The following MIA3 variants were observed in gnomAD, a reference collection of about 807,000 sequenced individuals.
MIA3 encodes the protein MIA SH3 domain ER export factor 3.
Under a neutral mutation model 192.4 loss-of-function variants are expected in MIA3, and 90 were observed. That is an observed-to-expected ratio of 0.47 (90% CI 0.39 to 0.56). The LOEUF (loss-of-function observed/expected upper bound fraction) is 0.56. Among genes scored for constraint, MIA3 ranks in the 20% least tolerant of loss-of-function variants. MIA3 has a pLI of 0.00. For synonymous variants in MIA3, 740 were observed against 792.8 expected (o/e 0.93, Z 1.12); for missense variants, 2,123 against 2,269.4 (o/e 0.94, Z 1.31).
At chr1:222,640,694 T>C (rs1662815971) in intron 6 of MIA3, among the ~76,000 whole-genome samples, 1 of 152,172 alleles carries the variant, frequency 6.6e-6, no homozygotes, top group South Asian at 2.1e-4. Flanking sequence ...TGAACTTGGA[T>C]TGGCAAAGAT....
At chr1:222,664,479 CTG>C (rs1639340988) in intron 27 of MIA3, among the ~76,000 whole-genome samples, 1 of 152,172 alleles carries the variant, frequency 6.6e-6, no homozygotes, top group African/African-American at 2.4e-5. Flanking sequence ...CTAAGATGTC[CTG>C]TAGGTCACAA....
Position 222,628,579 on chromosome 1 carries a change from TA to T in MIA3, c.1361del (p.Asn454MetfsTer5). On this transcript the variant is annotated frameshift_variant, in exon 4 of 28. Transcript: ENST00000344922. LOFTEE classifies it high-confidence loss of function. ...LFIVDIPKTNNDKEVNAEHHI... is the reference protein window; with the variant it reads ...LFIVDIPKTNXDKEVNAEHHI... ...TTATTGTAGACATTCCTAAAACAAA[TA>T]ATGACAAAGAAGTAAACGCAGAACA... 1 of 1,613,872 alleles carries T rather than the reference TA, an allele frequency of 6.2e-7. No homozygotes were observed. The highest frequency in any genetic ancestry group is 1.7e-5 in the Admixed American group (1 of 59,988).
Position 222,662,126 on chromosome 1 carries a change from T to A in MIA3, c.5182+2T>A, listed in dbSNP as rs1664047104. Reference sequence around the variant, plus strand: ...CATCTGGGAAACCCTCTCCTTCTGGTAAGGGAGCAAGAGTGTTCAAAGAGT... The same window carrying A: ...CATCTGGGAAACCCTCTCCTTCTGGAAAGGGAGCAAGAGTGTTCAAAGAGT... On this transcript the variant is annotated splice_donor_variant, in intron 25 of 27. Transcript: ENST00000344922. LOFTEE classifies it high-confidence loss of function. The A allele has an allele frequency of 6.2e-7, 1 of 1,613,534 alleles. No individual in the cohort carries two copies. The highest frequency in any genetic ancestry group is 1.3e-5 in the African/African-American group (1 of 74,848).
chr1:222,631,204 C>T lies in MIA3; in HGVS notation c.3169+815C>T, dbSNP rs974974024. ...TGGCATGATCATAACTCATTGCAGC[C>T]TCCAACTCCTAGGCCCAAGCGAACC... On this transcript the variant is annotated intron_variant, in intron 4 of 27. Transcript: ENST00000344922. 2.6e-4 allele frequency among the ~76,000 whole-genome samples: 39 copies of T among 151,872 alleles called. 1 individual carries two copies. The highest frequency in any genetic ancestry group is 4.4e-5 in the Non-Finnish European group (3 of 67,972).
intron 26 of MIA3, 37 bp downstream of exon 26, chr1:222,662,369 G>A: frequency 6.3e-7 from 1 of 1,597,018 alleles, no homozygotes; most frequent in Non-Finnish European, 8.6e-7. Context: ...GTTATTTCAG[G>A]AACATTTAGC....
rs1030058517 is a variant in MIA3 at position 222,618,201 on chromosome 1, C to A, written c.91C>A (p.Arg31=). ...CCAGCTGGACCCCAGCACTGGCCGG[C>A]GGTTCTCGGAGCACAAACTCTGCGC... ...PGQLDPSTGR[R]FSEHKLCADD... Residue 31 remains arginine (R), a synonymous_variant, in exon 1 of 28, where the codon CGG becomes AGG. Transcript: ENST00000344922. 3 of 1,495,996 alleles carry A rather than the reference C, an allele frequency of 2.0e-6. No individual in the cohort carries two copies. The African/African-American group carries it at 4.4e-5, about 22-fold the overall frequency. The allele number at this position is 1,495,996 out of a possible 1,614,324, so 92.7% of individuals were successfully genotyped here.
At position 222,650,683 on chromosome 1, in the gene MIA3, T is replaced by G. The variant is rs1184143412; in HGVS notation, c.3770T>G (p.Ile1257Ser). The G allele has an allele frequency of 1.3e-6, 2 of 1,599,804 alleles. No homozygotes were observed. Among genetic ancestry groups the G allele is most frequent in the South Asian group, 2.3e-5 (2 of 88,748 alleles). The part of the protein sequence containing the change: ...HVQETRKQNM[I>S]LSDEAIKYKD... ...CAGGAAACCAGGAAACAAAATATGA[T>G]TCTCTCTGATGAAGCAATTAAATAT... The change falls in exon 10 of 28, where the codon ATT becomes AGT. Residue 1257 changes from isoleucine (I) to serine (S), a missense_variant. Coordinates refer to ENST00000344922, the MANE Select transcript of MIA3 (RefSeq NM_198551.4).
At chr1:222,640,060 A>T (rs972285538) in intron 6 of MIA3, among the ~76,000 whole-genome samples, 8 of 152,206 alleles carry the variant, frequency 5.3e-5, no homozygotes, top group Non-Finnish European at 1.0e-4. Flanking sequence ...GCAATGAACA[A>T]TTGGAAATTG....
chr1:222,655,751 AT>A (rs1426556179), intron 18 of MIA3, among the ~76,000 whole-genome samples: 1 of 152,142 alleles, frequency 6.6e-6, no homozygotes, highest in East Asian at 1.9e-4. Context: ...TCCAATAGTA[AT>A]GTGAATTACG....
chr1:222,650,005 T>C (rs1571894393), intron 8 of MIA3, among the ~76,000 whole-genome samples: 1 of 152,104 alleles, frequency 6.6e-6, no homozygotes, highest in Admixed American at 6.5e-5. Context: ...TCAGTCACCA[T>C]CACAGAATAG....
chr1:222,667,721 C>T lies in MIA3; in HGVS notation c.*2102C>T, dbSNP rs1664351801. The T allele has an allele frequency of 6.6e-6, 1 of 152,200 alleles. No homozygotes were observed. The highest frequency in any genetic ancestry group is 1.5e-5 in the Non-Finnish European group (1 of 68,038). 9.4% of individuals were successfully genotyped at this position (152,200 alleles called of 1,614,324 possible). On this transcript the variant is annotated 3_prime_UTR_variant, in exon 28 of 28. Coordinates refer to ENST00000344922, the MANE Select transcript of MIA3 (RefSeq NM_198551.4). ...AGATGGCATAGGGAGTATCATCCCTCAGCCAAATCACTTTTCCATCTCTAA... is the reference window on the plus strand; with the variant it reads ...AGATGGCATAGGGAGTATCATCCCTTAGCCAAATCACTTTTCCATCTCTAA...
chr1:222,628,983 C>G lies in MIA3; in HGVS notation c.1763C>G (p.Pro588Arg). The change falls in exon 4 of 28, where the codon CCT (proline) becomes CGT (arginine). Residue 588 changes from proline to arginine, a missense_variant. Around this residue, in one of 3 missense-constraint regions of MIA3, gnomAD observed 1,357 missense variants for 1,396.1 expected, o/e 0.97. Coordinates refer to ENST00000344922, the MANE Select transcript of MIA3 (RefSeq NM_198551.4). ...GCACCACTCATGGGAGATGACCACCCTAACGCATCCAGAGACAGTGTGGAG... is the reference window on the plus strand; with the variant it reads ...GCACCACTCATGGGAGATGACCACCGTAACGCATCCAGAGACAGTGTGGAG... ...GSAPLMGDDH[P>R]NASRDSVEGD... The G allele has an allele frequency of 3.1e-6, 5 of 1,614,172 alleles. No individual in the cohort carries two copies. The highest frequency in any genetic ancestry group is 4.2e-6 in the Non-Finnish European group (5 of 1,180,022).
At chr1:222,662,027 T>C in intron 24 of MIA3, 29 bp from the exon 25 acceptor site, 2 of 1,584,352 alleles carry the variant, frequency 1.3e-6, no homozygotes, top group Non-Finnish European at 1.7e-6. Flanking sequence ...AAAAAATACA[T>C]ATAAGGACTC....
At chr1:222,650,000 C>A (rs752242425) in intron 8 of MIA3, among the ~76,000 whole-genome samples, 1 of 152,110 alleles carries the variant, frequency 6.6e-6, no homozygotes, top group Non-Finnish European at 1.5e-5. Context: ...AGAACTCAGT[C>A]ACCATCACAG....
At chr1:222,646,529 A>T (rs1305283039) in intron 7 of MIA3, among the ~76,000 whole-genome samples, 1 of 152,112 alleles carries the variant, frequency 6.6e-6, no homozygotes, top group Admixed American at 6.5e-5. Context: ...AGGCGGGTGG[A>T]TCACATAAGG....
chr1:222,644,419 A>G lies in MIA3; in HGVS notation c.3478-1135A>G, dbSNP rs1322249473. 8 of 1,545,516 alleles carry G rather than the reference A, an allele frequency of 5.2e-6. 1 individual carries two copies. In the South Asian group the frequency reaches 7.2e-5, roughly 14 times the overall value. ...TCCGGAGGAGGAAGCTCTGAAAAACAGGGGGCCCAGTGCCATTCCGCAGGG... is the reference window on the plus strand; with the variant it reads ...TCCGGAGGAGGAAGCTCTGAAAAACGGGGGGCCCAGTGCCATTCCGCAGGG... On this transcript the variant is annotated intron_variant, in intron 6 of 27. Coordinates refer to ENST00000344922, the MANE Select transcript of MIA3 (RefSeq NM_198551.4).
intron 3 of MIA3, among the ~76,000 whole-genome samples, chr1:222,626,539 A>G (rs1356001752): frequency 6.6e-6 from 1 of 152,188 alleles, no homozygotes; most frequent in African/African-American, 2.4e-5. Context: ...CTTTTCCATC[A>G]TTTTATGGCT....
At chr1:222,644,101 C>G (rs77830841) in intron 6 of MIA3, among the ~76,000 whole-genome samples, 1 of 152,210 alleles carries the variant, frequency 6.6e-6, no homozygotes, top group Non-Finnish European at 1.5e-5. Flanking sequence ...AATCCCTGGC[C>G]TCATTACTCT....
At position 222,630,057 on chromosome 1, in the gene MIA3, A is replaced by G. The variant is rs1269633661; in HGVS notation, c.2837A>G (p.His946Arg). Residue 946 changes from histidine to arginine, a missense_variant, in exon 4 of 28, where the codon CAT (histidine) becomes CGT (arginine). His to Arg is a conservative substitution (Grantham distance 29, BLOSUM62 0). Coordinates refer to ENST00000344922, the MANE Select transcript of MIA3 (RefSeq NM_198551.4). ...CGGTTCCAGAAGTACTTTAATGTCC[A>G]TGAGCTGGAAGCCTTGCTACAAGAA... ...LQRFQKYFNV[H>R]ELEALLQEMS... is the part of the protein sequence containing the mutation. 1.8e-5 allele frequency: 29 copies of G among 1,614,110 alleles called. No individual in the cohort carries two copies. Among genetic ancestry groups the G allele is most frequent in the Non-Finnish European group, 2.1e-5 (25 of 1,180,054 alleles).
Sources: allele counts gnomAD v4.1 joint callset (sites outside exome capture counted in the v4.1 genomes callset), GRCh38; gene constraint gnomAD v4.1.1; regional missense constraint gnomAD v4.1.1; transcripts MANE v1.5; gene names NCBI Gene and HGNC (gene_info 2026-07-23, HGNC 2026-07-21).